Variants in ITPR1 observed in about 807,000 individuals in gnomAD.
The protein encoded by ITPR1 is inositol 1,4,5-trisphosphate receptor type 1.
ITPR1 carries 96 observed loss-of-function variants against 318.4 expected under a neutral mutation model. The ratio of observed to expected loss-of-function variants is 0.30; its 90% CI spans 0.26 to 0.36. ITPR1 has a LOEUF of 0.36. ITPR1 is among the 10% of genes least tolerant of loss of function. The probability of loss-of-function intolerance (pLI) is 1.00; values close to 1 mark genes in which losing one functional copy is unlikely to be tolerated. For missense variants in ITPR1, 2,440 were observed against 3,460.2 expected (o/e 0.71, Z 7.40); for synonymous variants, 1,312 against 1,289.9 (o/e 1.02, Z -0.37).
rs2050109388 is a variant in ITPR1 at position 4,826,832 on chromosome 3, G to T, written c.8028+8590G>T. On this transcript the variant is annotated intron_variant, in intron 60 of 61. Coordinates refer to ENST00000649015, the MANE Select transcript of ITPR1 (RefSeq NM_001378452.1). The surrounding 1 kb of genome is among the most constrained non-coding windows in gnomAD (Gnocchi z 4.2). Reference sequence around the variant, plus strand: ...TCTGACCTTCGTGGAGGGTGTGCCAGGTGCCGTTTGTAACAATGAGTTGAG... The same window carrying T: ...TCTGACCTTCGTGGAGGGTGTGCCATGTGCCGTTTGTAACAATGAGTTGAG... 6.6e-6 allele frequency among the ~76,000 whole-genome samples: 1 copy of T among 152,202 alleles called. No individual in the cohort carries two copies. The highest frequency in any genetic ancestry group is 1.5e-5 in the Non-Finnish European group (1 of 68,032).
At chr3:4,789,336 G>A (rs2047405044) in intron 52 of ITPR1, among the ~76,000 whole-genome samples, 1 of 152,202 alleles carries the variant, frequency 6.6e-6, no homozygotes, top group South Asian at 2.1e-4. Context: ...TGGTATCAGA[G>A]TGTCCTCATA....
intron 4 of ITPR1, among the ~76,000 whole-genome samples, chr3:4,609,051 A>AATATGTATATAT (rs1387747146): frequency 6.4e-4 from 30 of 46,562 alleles, no homozygotes; most frequent in South Asian, 1.7e-3. Context: ...ACAACAACGA[A>AATATGTATATAT]ATATATATAT....
chr3:4,835,139 G>A (rs1361873791), intron 60 of ITPR1, among the ~76,000 whole-genome samples: 5 of 119,080 alleles, frequency 4.2e-5, no homozygotes, highest in African/African-American at 1.6e-4. Context: ...AGTATCTTAA[G>A]CAAACACTCT....
Position 4,814,561 on chromosome 3 carries a change from A to C in ITPR1, c.7700A>C (p.Glu2567Ala). The part of the protein sequence containing the change: ...VGDVLRKPSK[E>A]EPLFAARVIY... ...GATGTACTCAGGAAGCCGTCCAAAGAGGTAAATTAATCCCGAGGGGAAGGA... is the reference window on the plus strand; with the variant it reads ...GATGTACTCAGGAAGCCGTCCAAAGCGGTAAATTAATCCCGAGGGGAAGGA... Residue 2567 changes from glutamate to alanine, a missense_variant and splice_region_variant, in exon 58 of 62, where the codon GAG becomes GCG. By Grantham distance (107) the Glu-to-Ala change is moderately radical (BLOSUM62 -1). Transcript: ENST00000649015. 1 of 1,420,012 alleles carries C rather than the reference A, an allele frequency of 7.0e-7. No individual in the cohort carries two copies. 88.0% of individuals were successfully genotyped at this position (1,420,012 alleles called of 1,614,324 possible).
intron 18 of ITPR1, 28 bp downstream of exon 18, chr3:4,667,577 A>C (rs751783338): frequency 4.4e-6 from 7 of 1,594,894 alleles, no homozygotes; most frequent in Non-Finnish European, 5.1e-6. Flanking sequence ...TCCATGCAGG[A>C]TGGTGTCTCT....
At chr3:4,647,776 A>G (rs1240575310) in intron 10 of ITPR1, among the ~76,000 whole-genome samples, 7 of 152,160 alleles carry the variant, frequency 4.6e-5, no homozygotes, top group Admixed American at 4.6e-4. Flanking sequence ...GCATCTGTGT[A>G]GCTTCTCTGG....
intron 33 of ITPR1, among the ~76,000 whole-genome samples, chr3:4,696,123 G>A (rs2094553871): frequency 6.6e-6 from 1 of 152,140 alleles, no homozygotes; most frequent in African/African-American, 2.4e-5. Context: ...TCATGGAGAT[G>A]TTTACAGATA....
intron 12 of ITPR1, among the ~76,000 whole-genome samples, chr3:4,654,683 T>TTCTTTC (rs1158455858): frequency 6.6e-6 from 1 of 152,244 alleles, no homozygotes; most frequent in Non-Finnish European, 1.5e-5. Context: ...TTGAGGGTGT[T>TTCTTTC]TCTTTCTTTT....
intron 33 of ITPR1, among the ~76,000 whole-genome samples, chr3:4,695,433 A>G (rs2094542394): frequency 6.6e-6 from 1 of 152,210 alleles, no homozygotes; most frequent in Admixed American, 6.5e-5. Flanking sequence ...GCAAAAAAGT[A>G]CATAAACTCA....
chr3:4,843,309 C>A (rs2051506822), intron 61 of ITPR1, among the ~76,000 whole-genome samples: 1 of 152,012 alleles, frequency 6.6e-6, no homozygotes, highest in South Asian at 2.1e-4. Flanking sequence ...CCAAGAGCTT[C>A]CCTCATTTGA....
chr3:4,670,375 A>AT (rs1314904091), intron 19 of ITPR1, among the ~76,000 whole-genome samples: 2 of 152,128 alleles, frequency 1.3e-5, no homozygotes, highest in African/African-American at 4.8e-5. Flanking sequence ...GTATTTTCAC[A>AT]TTTCGGGCTT....
chr3:4,577,697 T>A (rs9809124), intron 4 of ITPR1, among the ~76,000 whole-genome samples: 10,219 of 152,312 alleles, frequency 0.067, 486 homozygotes, highest in Non-Finnish European at 0.1. Context: ...GAAAGTCGTG[T>A]CCTCTGTAAC....
chr3:4,757,675 G>A (rs953111199), intron 44 of ITPR1, among the ~76,000 whole-genome samples: 10 of 152,170 alleles, frequency 6.6e-5, no homozygotes, highest in African/African-American at 2.4e-4. Flanking sequence ...CTGTAAACTG[G>A]GGATGATAAT....
intron 14 of ITPR1, 91 bp from the exon 15 acceptor site, chr3:4,661,991 A>C: frequency 8.9e-7 from 1 of 1,118,788 alleles, no homozygotes; most frequent in Non-Finnish European, 1.3e-6. Context: ...GTATCTTGGG[A>C]TCAGCCAGTG....
chr3:4,725,336 G>T (rs1022275813), intron 40 of ITPR1, among the ~76,000 whole-genome samples: 3 of 151,894 alleles, frequency 2.0e-5, no homozygotes, highest in Non-Finnish European at 4.4e-5. Context: ...CAGGTCGATT[G>T]TCTCCTCCAG....
chr3:4,673,014 T>G, intron 20 of ITPR1, 122 bp from the exon 21 acceptor site: 1 of 1,015,152 alleles, frequency 9.9e-7, no homozygotes, highest in Non-Finnish European at 1.4e-6. Context: ...TTAGGGGTGT[T>G]GATGTATGAG....
At chr3:4,590,636 A>G (rs2090321999) in intron 4 of ITPR1, among the ~76,000 whole-genome samples, 1 of 151,298 alleles carries the variant, frequency 6.6e-6, no homozygotes, top group African/African-American at 2.4e-5. Context: ...CTGACCTTGA[A>G]CTCCTGAGCT....
At chr3:4,684,819 A>C (rs2094363029) in intron 29 of ITPR1, among the ~76,000 whole-genome samples, 1 of 152,194 alleles carries the variant, frequency 6.6e-6, no homozygotes, top group African/African-American at 2.4e-5. Context: ...ATTCCATTTT[A>C]AGCGATATCT....
At chr3:4,601,692 A>T (rs561663630) in intron 4 of ITPR1, among the ~76,000 whole-genome samples, 1 of 152,316 alleles carries the variant, frequency 6.6e-6, no homozygotes, top group South Asian at 2.1e-4. Flanking sequence ...AATAAAAGAA[A>T]ATTAGATAAA....
Sources: gnomAD v4.1 joint callset for allele counts (sites outside exome capture counted in the v4.1 genomes callset) on GRCh38, gnomAD v4.1.1 for gene constraint, Gnocchi (gnomAD v3.1) non-coding constraint, MANE v1.5 for transcripts, NCBI Gene and HGNC (gene_info 2026-07-23, HGNC 2026-07-21) for gene names.